Variants in PIK3CA observed in about 807,000 individuals in gnomAD.
The protein encoded by PIK3CA is phosphatidylinositol 4,5-bisphosphate 3-kinase catalytic subunit alpha isoform.
Under a neutral mutation model 138.2 loss-of-function variants are expected in PIK3CA, and 27 were observed. The ratio of observed to expected loss-of-function variants is 0.20; its 90% CI spans 0.14 to 0.27. The LOEUF is 0.27. Among genes scored for constraint, PIK3CA ranks in the 10% least tolerant of loss-of-function variants. The pLI, the probability that PIK3CA is intolerant of heterozygous loss-of-function variation, is 1.00. For synonymous variants in PIK3CA, 358 were observed against 413.2 expected (o/e 0.87, Z 1.62); for missense variants, 544 against 1,277.4 (o/e 0.43, Z 8.75).
intron 9 of PIK3CA, among the ~76,000 whole-genome samples, chr3:179,213,132 A>AT (rs1724757024): frequency 6.6e-6 from 1 of 152,168 alleles, no homozygotes; most frequent in Non-Finnish European, 1.5e-5. Flanking sequence ...ATATATATAT[A>AT]TTGGGTTCAG....
At chr3:179,150,796 A>G (rs770235307) in intron 1 of PIK3CA, among the ~76,000 whole-genome samples, 4 of 152,238 alleles carry the variant, frequency 2.6e-5, no homozygotes, top group Non-Finnish European at 5.9e-5. Context: ...AGTAGACTGT[A>G]ATAACTTTTT....
chr3:179,226,602 G>T (rs774509269), intron 17 of PIK3CA, among the ~76,000 whole-genome samples: 3 of 151,980 alleles, frequency 2.0e-5, no homozygotes, highest in Non-Finnish European at 4.4e-5. Flanking sequence ...AGTCATTCAG[G>T]CAAAGCCCAC....
At chr3:179,213,113 A>T (rs1340811125) in intron 9 of PIK3CA, among the ~76,000 whole-genome samples, 1 of 152,150 alleles carries the variant, frequency 6.6e-6, no homozygotes, top group African/African-American at 2.4e-5. Context: ...ATTTGTGGGG[A>T]AAAGGCAAAT....
chr3:179,190,277 A>C (rs1338318182), intron 1 of PIK3CA, among the ~76,000 whole-genome samples: 1 of 151,864 alleles, frequency 6.6e-6, no homozygotes, highest in Admixed American at 6.6e-5. Flanking sequence ...ATTATAGTGC[A>C]TAAAAAAAAG....
chr3:179,209,975 G>C (rs977361493), intron 7 of PIK3CA, among the ~76,000 whole-genome samples: 1 of 151,754 alleles, frequency 6.6e-6, no homozygotes, highest in African/African-American at 2.4e-5. Flanking sequence ...TGCTTGCTTT[G>C]GTTCATATTT....
intron 1 of PIK3CA, among the ~76,000 whole-genome samples, chr3:179,195,434 A>G (rs983772471): frequency 6.6e-5 from 10 of 152,116 alleles, no homozygotes; most frequent in Admixed American, 5.2e-4. Context: ...TATTTTTCAT[A>G]TATCACTTCA....
At chr3:179,222,621 C>T (rs548133883) in intron 14 of PIK3CA, among the ~76,000 whole-genome samples, 3 of 152,224 alleles carry the variant, frequency 2.0e-5, no homozygotes, top group East Asian at 1.9e-4. Flanking sequence ...AAATGCTGGC[C>T]ACACAGTACG....
Position 179,224,161 on chromosome 3 carries a change from C to A in PIK3CA, c.2268C>A (p.Asn756Lys). ...DALQGFLSPL[N>K]PAHQLGNLRL... ...TACAGGGCTTTCTGTCTCCTCTAAA[C>A]CCTGCTCATCAACTAGGAAACCTCA... Residue 756 changes from asparagine (N) to lysine (K), a missense_variant, in exon 15 of 21, where the codon AAC (asparagine) becomes AAA (lysine). By Grantham distance (94) the Asn-to-Lys change is moderately conservative. Transcript: ENST00000263967. The A allele has an allele frequency of 1.3e-6, 2 of 1,580,048 alleles. No homozygotes were observed. Among genetic ancestry groups the A allele is most frequent in the African/African-American group, 1.3e-5 (1 of 74,492 alleles).
Position 179,198,870 on chromosome 3 carries a change from G to T in PIK3CA, c.45G>T (p.Leu15Phe), listed in dbSNP as rs751930632. ...CAGGTGAACTGTGGGGCATCCACTTGATGCCCCCAAGAATCCTAGTAGAAT... is the reference window on the plus strand; with the variant it reads ...CAGGTGAACTGTGGGGCATCCACTTTATGCCCCCAAGAATCCTAGTAGAAT... ...PSSGELWGIH[L>F]MPPRILVECL... The change falls in exon 2 of 21, where the codon TTG becomes TTT. Residue 15 changes from leucine (L) to phenylalanine (F), a missense_variant. This residue lies in a region of PIK3CA where 47 missense variants were observed against 84.0 expected (regional missense o/e 0.56). Transcript: ENST00000263967. The T allele has an allele frequency of 6.3e-7, 1 of 1,588,064 alleles. No individual in the cohort carries two copies. The highest frequency in any genetic ancestry group is 2.2e-5 in the East Asian group (1 of 44,658).
Position 179,224,772 on chromosome 3 carries a change from G to A in PIK3CA, c.2367G>A (p.Met789Ile), listed in dbSNP as rs1725045278. 2 of 1,605,856 alleles carry A rather than the reference G, an allele frequency of 1.2e-6. No homozygotes were observed. The highest frequency in any genetic ancestry group is 2.2e-5 in the East Asian group (1 of 44,806). ...LWLNWENPDI[M>I]SELLFQNNEI... ...TGAATTGGGAGAACCCAGACATCAT[G>A]TCAGAGTTACTGTTTCAGAACAATG... is the stretch of plus-strand genomic sequence containing the variant. The change falls in exon 16 of 21, where the codon ATG becomes ATA. Residue 789 changes from methionine to isoleucine, a missense_variant. By Grantham distance (10) the Met-to-Ile change is conservative. Transcript: ENST00000263967.
At chr3:179,204,450 C>A (rs2108394108) in intron 5 of PIK3CA, 53 bp from the exon 6 acceptor site, 1 of 804,288 alleles carries the variant, frequency 1.2e-6, no homozygotes, top group Non-Finnish European at 2.1e-6. Context: ...CGAGTGTGTG[C>A]ATATGTGTAT....
intron 1 of PIK3CA, among the ~76,000 whole-genome samples, chr3:179,154,794 CA>C (rs1377082755): frequency 4.6e-5 from 7 of 152,094 alleles, no homozygotes; most frequent in African/African-American, 1.2e-4. Context: ...TTTGGCCTGA[CA>C]ATGTACTCAT....
rs1371700623 is a variant in PIK3CA, at chr3:179,238,525, T to A, written c.*4161T>A. 2 of 218,832 alleles carry A rather than the reference T, an allele frequency of 9.1e-6. No individual in the cohort carries two copies. Among genetic ancestry groups the A allele is most frequent in the African/African-American group, 4.5e-5 (2 of 44,496 alleles). The allele number at this position is 218,832 out of a possible 1,614,324, so 13.6% of individuals were successfully genotyped here. On this transcript the variant is annotated 3_prime_UTR_variant, in exon 21 of 21. Coordinates refer to ENST00000263967, the MANE Select transcript of PIK3CA (RefSeq NM_006218.4). ...AAAAAATAGATGAGTCACAATTCAA[T>A]ACTTCAAGCTCAGAAACTGTGCAGA...
chr3:179,187,264 G>A (rs1724005805), intron 1 of PIK3CA, among the ~76,000 whole-genome samples: 2 of 151,996 alleles, frequency 1.3e-5, no homozygotes, highest in Non-Finnish European at 2.9e-5. Context: ...GAGGCCGGGT[G>A]CGGTGGCTCA....
intron 1 of PIK3CA, among the ~76,000 whole-genome samples, chr3:179,169,564 T>C (rs371447475): frequency 2.6e-5 from 4 of 152,204 alleles, no homozygotes; most frequent in African/African-American, 9.7e-5. Context: ...GACCGTCTAT[T>C]AAATAATCTG....
chr3:179,240,002 T>G lies in PIK3CA; in HGVS notation c.*5638T>G. ...GTTTGGCCTGTGACTGCACTTACTG[T>G]TTATGCTCATCAGAAACTGTCAATG... On this transcript the variant is annotated 3_prime_UTR_variant, in exon 21 of 21. Transcript: ENST00000263967. 6.5e-7 allele frequency: 1 copy of G among 1,545,466 alleles called. No homozygotes were observed. Among genetic ancestry groups the G allele is most frequent in the Non-Finnish European group, 8.7e-7 (1 of 1,143,380 alleles).
At chr3:179,224,855 G>C (rs1219260200) in intron 16 of PIK3CA, 34 bp downstream of exon 16, 4 of 1,491,922 alleles carry the variant, frequency 2.7e-6, no homozygotes, top group East Asian at 2.3e-5. Flanking sequence ...TATGATGCAT[G>C]AATTTAGCTA....
At chr3:179,203,887 C>T (rs2108393678) in intron 5 of PIK3CA, 98 bp downstream of exon 5, 2 of 845,726 alleles carry the variant, frequency 2.4e-6, no homozygotes, top group Non-Finnish European at 3.6e-6. Context: ...AGTATGTTTT[C>T]AGATGGTTAG....
At chr3:179,231,849 G>A (rs1725221412) in intron 20 of PIK3CA, among the ~76,000 whole-genome samples, 1 of 151,564 alleles carries the variant, frequency 6.6e-6, no homozygotes, top group South Asian at 2.1e-4. Flanking sequence ...CACCATGTTG[G>A]TCAGGCTGGT....
Sources: allele counts gnomAD v4.1 joint callset (sites outside exome capture counted in the v4.1 genomes callset), GRCh38; gene constraint gnomAD v4.1.1; regional missense constraint gnomAD v4.1.1; transcripts MANE v1.5; gene names NCBI Gene and HGNC (gene_info 2026-07-23, HGNC 2026-07-21).